The following FAM184B variants were observed in gnomAD, a reference collection of about 807,000 sequenced individuals.
FAM184B encodes family with sequence similarity 184 member B, also known as protein FAM184B.
A neutral mutation model predicts 135.9 loss-of-function variants in FAM184B; 111 were observed. That is an observed-to-expected ratio of 0.82 (90% CI 0.70 to 0.96). FAM184B has a LOEUF of 0.96. Among genes scored for constraint, FAM184B ranks in the 40% least tolerant of loss-of-function variants. The probability of loss-of-function intolerance (pLI) is 0.00; values close to 1 mark genes in which losing one functional copy is unlikely to be tolerated. For missense variants in FAM184B, 1,375 were observed against 1,323.9 expected (o/e 1.04, Z -0.60); for synonymous variants, 552 against 524.8 (o/e 1.05, Z -0.71).
chr4:17,647,522 T>C, intron 12 of FAM184B, 115 bp downstream of exon 12: 1 of 1,314,286 alleles, frequency 7.6e-7, no homozygotes, highest in Non-Finnish European at 1.0e-6. Flanking sequence ...AGTGCTAGAT[T>C]CCAAGTGTGA....
chr4:17,673,514 C>A (rs1227298622), intron 7 of FAM184B, among the ~76,000 whole-genome samples: 1 of 152,066 alleles, frequency 6.6e-6, no homozygotes, highest in Non-Finnish European at 1.5e-5. Flanking sequence ...TGGAACCAAC[C>A]CAAATGCTCA....
chr4:17,748,103 GAAAAAAAAA>G (rs58795222), intron 1 of FAM184B, among the ~76,000 whole-genome samples: 1 of 70,324 alleles, frequency 1.4e-5, no homozygotes, highest in Admixed American at 2.0e-4. Flanking sequence ...GACTCCGTCT[GAAAAAAAAA>G]AAAAAAAAAA....
intron 16 of FAM184B, 25 bp from the exon 17 acceptor site, chr4:17,633,913 G>T: frequency 7.2e-7 from 1 of 1,397,404 alleles, no homozygotes; most frequent in Admixed American, 3.3e-5. Context: ...GGACAGGTTA[G>T]TGCAATGCAA....
At chr4:17,755,825 A>G (rs569759323) in intron 1 of FAM184B, among the ~76,000 whole-genome samples, 10 of 152,294 alleles carry the variant, frequency 6.6e-5, no homozygotes, top group South Asian at 4.1e-4. Flanking sequence ...ACCAAACACC[A>G]CATGTTCTCA....
At chr4:17,679,442 C>T (rs189156224) in intron 7 of FAM184B, among the ~76,000 whole-genome samples, 13 of 152,134 alleles carry the variant, frequency 8.5e-5, no homozygotes, top group East Asian at 7.7e-4. Context: ...CTAATGATCA[C>T]GGAAATGCAA....
chr4:17,705,623 C>T, intron 4 of FAM184B, 129 bp downstream of exon 4: 2 of 1,144,262 alleles, frequency 1.7e-6, no homozygotes, highest in East Asian at 5.2e-5. Flanking sequence ...AATTCTACTC[C>T]AGGAACTACA....
rs139428442 is a variant in FAM184B at position 17,743,105 on chromosome 4, A to T, written c.142-33461T>A. ...GGAGTGGCCAGCAGCTGGCTGAGTG[A>T]AACGGGCCACTCCAGTTCCTGCCCA... On this transcript the variant is annotated intron_variant, in intron 1 of 17. Coordinates refer to ENST00000265018, the MANE Select transcript of FAM184B (RefSeq NM_015688.2). Among the ~76,000 whole-genome samples, 1,309 of 152,316 alleles carry T rather than the reference A, an allele frequency of 8.6e-3. 18 individuals are homozygous for T. The highest frequency in any genetic ancestry group is 0.03 in the African/African-American group (1,249 of 41,574).
intron 12 of FAM184B, among the ~76,000 whole-genome samples, chr4:17,644,184 T>C (rs1577244014): frequency 6.6e-6 from 1 of 152,198 alleles, no homozygotes; most frequent in African/African-American, 2.4e-5. Context: ...CAATGCCAAG[T>C]TGAAGCATTT....
At position 17,639,320 on chromosome 4, in the gene FAM184B, G is replaced by A. The variant is rs1268685525; in HGVS notation, c.2596C>T (p.Gln866Ter). 1 of 1,551,760 alleles carries A rather than the reference G, an allele frequency of 6.4e-7. No homozygotes were observed. The highest frequency in any genetic ancestry group is 2.0e-5 in the Admixed American group (1 of 51,012). Reference protein sequence around the residue: ...TLRQEHRKEMQAMVADFSSAQ... With the variant: ...TLRQEHRKEM ...CTACTGAAATCTGCCACCATGGCCT[G>A]CATCTCCTTCCGGTGTTCCTGGCGC... The change falls in exon 14 of 18, where the codon CAG (glutamine) becomes TAG (stop). Residue 866 changes from glutamine to a stop codon, truncating the protein, a stop_gained. Coordinates refer to ENST00000265018, the MANE Select transcript of FAM184B (RefSeq NM_015688.2). LOFTEE classifies it high-confidence loss of function.
At chr4:17,680,676 G>A (rs1237551006) in intron 7 of FAM184B, among the ~76,000 whole-genome samples, 2 of 152,034 alleles carry the variant, frequency 1.3e-5, no homozygotes, top group Non-Finnish European at 2.9e-5. Context: ...AAGTGGCCTG[G>A]GTATGAATAG....
chr4:17,697,407 GA>G (rs950833200), intron 5 of FAM184B, among the ~76,000 whole-genome samples: 10 of 140,324 alleles, frequency 7.1e-5, no homozygotes, highest in Admixed American at 2.3e-4. Flanking sequence ...TAAAAGAGAA[GA>G]AAAAAAAACC....
intron 12 of FAM184B, among the ~76,000 whole-genome samples, chr4:17,643,139 G>C (rs1051520403): frequency 6.6e-6 from 1 of 152,152 alleles, no homozygotes; most frequent in African/African-American, 2.4e-5. Flanking sequence ...GACAATCCTT[G>C]ACCAATGGAG....
intron 1 of FAM184B, among the ~76,000 whole-genome samples, chr4:17,742,166 ATAT>A (rs1310056158): frequency 1.0e-3 from 38 of 36,682 alleles, no homozygotes; most frequent in Middle Eastern, 0.011. Flanking sequence ...ATATATATAT[ATAT>A]TTTTTTTTTT....
At chr4:17,704,274 GTTAC>G (rs1291936605) in intron 5 of FAM184B, among the ~76,000 whole-genome samples, 2 of 152,176 alleles carry the variant, frequency 1.3e-5, no homozygotes, top group African/African-American at 4.8e-5. Flanking sequence ...CTTCACATAT[GTTAC>G]TTACTTATTC....
Position 17,652,989 on chromosome 4 carries a change from G to C in FAM184B, c.2038-6C>G. The C allele has an allele frequency of 6.4e-7, 1 of 1,551,396 alleles. No homozygotes were observed. The highest frequency in any genetic ancestry group is 8.7e-7 in the Non-Finnish European group (1 of 1,146,808). On this transcript the variant is annotated splice_polypyrimidine_tract_variant and splice_region_variant and intron_variant, in intron 10 of 17. Coordinates refer to ENST00000265018, the MANE Select transcript of FAM184B (RefSeq NM_015688.2). ...TTCAAGCGTTCCTCTGTGGCCTGTGGGAAAAAGTGGGAACAAGAAGGCATG... is the reference window on the plus strand; with the variant it reads ...TTCAAGCGTTCCTCTGTGGCCTGTGCGAAAAAGTGGGAACAAGAAGGCATG...
chr4:17,710,123 C>G (rs1231141151), intron 1 of FAM184B, among the ~76,000 whole-genome samples: 2 of 152,006 alleles, frequency 1.3e-5, no homozygotes, highest in African/African-American at 2.4e-5. Context: ...GTCAGGAGTT[C>G]GAGACCAGCC....
intron 1 of FAM184B, among the ~76,000 whole-genome samples, chr4:17,710,145 G>A (rs1717226921): frequency 6.6e-6 from 1 of 152,106 alleles, no homozygotes; most frequent in African/African-American, 2.4e-5. Context: ...AGCCAACATG[G>A]CGATCTGGTC....
chr4:17,675,006 C>T (rs1252210686), intron 7 of FAM184B, among the ~76,000 whole-genome samples: 1 of 152,150 alleles, frequency 6.6e-6, no homozygotes, highest in East Asian at 1.9e-4. Flanking sequence ...TATCTCCTCC[C>T]ATAAATCATG....
chr4:17,765,845 T>C (rs1718664547), intron 1 of FAM184B, among the ~76,000 whole-genome samples: 1 of 152,212 alleles, frequency 6.6e-6, no homozygotes, highest in African/African-American at 2.4e-5. Flanking sequence ...GTTCTGAGTT[T>C]CTTCCTTCTG....
Sources: gnomAD v4.1 joint callset for allele counts (sites outside exome capture counted in the v4.1 genomes callset) on GRCh38, gnomAD v4.1.1 for gene constraint, MANE v1.5 for transcripts, NCBI Gene and HGNC (gene_info 2026-07-23, HGNC 2026-07-21) for gene names.